DLG2: variants seen among roughly 807,000 people sequenced by gnomAD.
The protein encoded by DLG2 is disks large homolog 2.
DLG2 carries 45 observed loss-of-function variants against 132.5 expected under a neutral mutation model. That is an observed-to-expected ratio of 0.34 (90% confidence interval 0.27 to 0.44). The LOEUF (loss-of-function observed/expected upper bound fraction) is 0.44, where lower values mean the gene tolerates loss of function less well. Among genes scored for constraint, DLG2 ranks in the 20% least tolerant of loss-of-function variants. The probability of loss-of-function intolerance (pLI) is 1.00; values close to 1 mark genes in which losing one functional copy is unlikely to be tolerated. For missense variants in DLG2, 1,045 were observed against 1,196.9 expected (o/e 0.87, Z 1.87); for synonymous variants, 424 against 419.6 (o/e 1.01, Z -0.13).
intron 15 of DLG2, among the ~76,000 whole-genome samples, chr11:83,883,619 T>G (rs1231038187): frequency 1.3e-5 from 2 of 152,202 alleles, no homozygotes; most frequent in African/African-American, 4.8e-5. Context: ...TCAAATGGAT[T>G]ATGACTGGCC....
At chr11:84,574,147 G>C (rs2099492900) in intron 6 of DLG2, among the ~76,000 whole-genome samples, 1 of 151,964 alleles carries the variant, frequency 6.6e-6, no homozygotes, top group Non-Finnish European at 1.5e-5. Flanking sequence ...TGGTTCACTG[G>C]GTGAAACAGA....
intron 6 of DLG2, among the ~76,000 whole-genome samples, chr11:84,684,866 C>G (rs1468350724): frequency 6.6e-6 from 1 of 152,120 alleles, no homozygotes; most frequent in Non-Finnish European, 1.5e-5. Flanking sequence ...ATAATGTGTT[C>G]CCAGATACAG....
intron 7 of DLG2, among the ~76,000 whole-genome samples, chr11:84,450,818 C>T (rs1256875065): frequency 1.3e-5 from 2 of 151,598 alleles, no homozygotes; most frequent in African/African-American, 4.8e-5. Flanking sequence ...AGAGGCCATG[C>T]CTGTTTATTC....
chr11:83,584,691 G>A (rs546034747), intron 19 of DLG2, among the ~76,000 whole-genome samples: 4 of 152,288 alleles, frequency 2.6e-5, no homozygotes, highest in African/African-American at 7.2e-5. Flanking sequence ...TGAGCAATAC[G>A]CTGAGCCATT....
chr11:84,026,381 A>G (rs951215917), intron 11 of DLG2, among the ~76,000 whole-genome samples: 5 of 152,130 alleles, frequency 3.3e-5, no homozygotes, highest in African/African-American at 9.7e-5. Context: ...GGTAGTTAGT[A>G]TAATACAATA....
At chr11:83,639,937 A>C (rs2065987723) in intron 18 of DLG2, among the ~76,000 whole-genome samples, 1 of 152,306 alleles carries the variant, frequency 6.6e-6, no homozygotes, top group East Asian at 1.9e-4. Context: ...TGTGAGACTC[A>C]AAATGAGATT....
chr11:84,338,421 A>C (rs2154404486), intron 7 of DLG2, among the ~76,000 whole-genome samples: 1 of 152,266 alleles, frequency 6.6e-6, no homozygotes, highest in African/African-American at 2.4e-5. Context: ...AAAAAAGAGG[A>C]GTTTCCAATA....
chr11:84,227,726 C>T (rs1037644433), intron 8 of DLG2, among the ~76,000 whole-genome samples: 2 of 151,842 alleles, frequency 1.3e-5, no homozygotes, highest in African/African-American at 2.4e-5. Context: ...CCACCCTGGC[C>T]GACATAATGA....
chr11:85,312,531 TATC>T (rs1355337816), intron 3 of DLG2, among the ~76,000 whole-genome samples: 1 of 151,892 alleles, frequency 6.6e-6, no homozygotes, highest in Non-Finnish European at 1.5e-5. Context: ...TTTATTGAGA[TATC>T]ATACATTCAT....
intron 6 of DLG2, among the ~76,000 whole-genome samples, chr11:84,646,106 G>T (rs1375312670): frequency 1.3e-5 from 2 of 152,218 alleles, no homozygotes; most frequent in Non-Finnish European, 2.9e-5. Context: ...AAAGCTGTGG[G>T]CTCTTAAAAA....
chr11:84,090,697 A>G (rs2097077177), intron 10 of DLG2, among the ~76,000 whole-genome samples: 1 of 152,236 alleles, frequency 6.6e-6, no homozygotes, highest in Non-Finnish European at 1.5e-5. Flanking sequence ...ATTTCTGGAA[A>G]GAAATTTGGT....
chr11:84,393,399 T>C (rs1333419865), intron 7 of DLG2, among the ~76,000 whole-genome samples: 2 of 151,778 alleles, frequency 1.3e-5, no homozygotes, highest in African/African-American at 4.8e-5. Context: ...TTTCTGTCTG[T>C]CTACAGCTAA....
chr11:85,171,932 G>A (rs2078904659), intron 4 of DLG2, among the ~76,000 whole-genome samples: 1 of 152,200 alleles, frequency 6.6e-6, no homozygotes, highest in African/African-American at 2.4e-5. Flanking sequence ...CTTCAGCCAA[G>A]TTTTTCAGAC....
chr11:84,366,569 C>A (rs1342094327), intron 7 of DLG2, among the ~76,000 whole-genome samples: 5 of 152,048 alleles, frequency 3.3e-5, no homozygotes, highest in African/African-American at 1.2e-4. Context: ...GGAAACCCAT[C>A]TCACATGCAG....
At chr11:83,556,368 CT>C (rs1387558759) in intron 19 of DLG2, among the ~76,000 whole-genome samples, 1 of 129,330 alleles carries the variant, frequency 7.7e-6, no homozygotes, top group African/African-American at 3.1e-5. Flanking sequence ...CAGTTTTGTC[CT>C]TTTTCTTTCT....
intron 7 of DLG2, among the ~76,000 whole-genome samples, chr11:84,481,718 A>G (rs1007202456): frequency 4.6e-5 from 7 of 152,120 alleles, no homozygotes; most frequent in Non-Finnish European, 1.0e-4. Flanking sequence ...AAAACACCCA[A>G]TAAGTCAAAT....
At chr11:84,039,327 T>C (rs1325706041) in intron 11 of DLG2, among the ~76,000 whole-genome samples, 1 of 150,008 alleles carries the variant, frequency 6.7e-6, no homozygotes. Flanking sequence ...CACTAACTCG[T>C]CATCTACCAT....
chr11:84,962,696 C>T (rs80141794), intron 6 of DLG2, among the ~76,000 whole-genome samples: 2,988 of 152,242 alleles, frequency 0.02, 54 homozygotes, highest in Admixed American at 0.042. Flanking sequence ...ACAGAATTTC[C>T]TTTACAAAAA....
At chr11:84,464,397 T>A (rs2099088569) in intron 7 of DLG2, among the ~76,000 whole-genome samples, 1 of 151,146 alleles carries the variant, frequency 6.6e-6, no homozygotes. Context: ...TAAACATGAG[T>A]ACTAACCCTA....
Sources: gnomAD v4.1 joint callset for allele counts (sites outside exome capture counted in the v4.1 genomes callset) on GRCh38, gnomAD v4.1.1 for gene constraint, MANE v1.5 for transcripts, NCBI Gene and HGNC (gene_info 2026-07-23, HGNC 2026-07-21) for gene names.